Variants in DIAPH3 observed in about 807,000 individuals in gnomAD.
The protein encoded by DIAPH3 is protein diaphanous homolog 3.
Under a neutral mutation model 144.3 loss-of-function variants are expected in DIAPH3, and 117 were observed. That is an observed-to-expected ratio of 0.81 (90% CI 0.70 to 0.95). The LOEUF (loss-of-function observed/expected upper bound fraction) is 0.95. Among genes scored for constraint, DIAPH3 ranks in the 40% least tolerant of loss-of-function variants. The probability of loss-of-function intolerance (pLI) is 0.00; values close to 1 mark genes in which losing one functional copy is unlikely to be tolerated. For missense variants in DIAPH3, 1,421 were observed against 1,412.7 expected, an observed-to-expected ratio of 1.01 and a Z score of -0.09; for synonymous variants, 519 against 488.9, an observed-to-expected ratio of 1.06 and a Z score of -0.81.
chr13:59,944,851 G>T (rs925200307), intron 17 of DIAPH3, among the ~76,000 whole-genome samples: 2 of 151,906 alleles, frequency 1.3e-5, no homozygotes, highest in Admixed American at 1.3e-4. Flanking sequence ...AAGGAGAGAG[G>T]CAAAACATGT....
intron 14 of DIAPH3, among the ~76,000 whole-genome samples, chr13:59,978,123 C>A (rs1178551697): frequency 6.6e-6 from 1 of 151,710 alleles, no homozygotes; most frequent in Admixed American, 6.6e-5. Flanking sequence ...CAAAATAACA[C>A]TCACCAACCT....
chr13:59,910,450 G>A (rs868840590), intron 20 of DIAPH3, among the ~76,000 whole-genome samples: 6 of 152,016 alleles, frequency 3.9e-5, no homozygotes, highest in Non-Finnish European at 5.9e-5. Flanking sequence ...AGAAAAGGCC[G>A]GGTGGGGTGG....
In DIAPH3 at chr13:59,729,810, A is replaced by ATTTTTTTTTTTTT. The variant is rs59987412; in HGVS notation, c.3319+44366_3319+44378dup. 7.1e-4 allele frequency among the ~76,000 whole-genome samples: 95 copies of ATTTTTTTTTTTTT among 134,214 alleles called. 4 individuals are homozygous for ATTTTTTTTTTTTT. Among genetic ancestry groups the ATTTTTTTTTTTTT allele is most frequent in the African/African-American group, 2.7e-3 (89 of 32,608 alleles). The allele number at this position is 134,214 out of a possible 152,430, so 88.0% of individuals were successfully genotyped here. ...TGTGACTTCCGGTGAATACATTAAT[A>ATTTTTTTTTTTTT]TTTTTTTTTTTTTTTTTTTGAGATA... On this transcript the variant is annotated intron_variant, in intron 27 of 27. Coordinates refer to ENST00000400324, the MANE Select transcript of DIAPH3 (RefSeq NM_001042517.2).
intron 1 of DIAPH3, among the ~76,000 whole-genome samples, chr13:60,157,256 T>G (rs1304389524): frequency 6.6e-6 from 1 of 152,046 alleles, no homozygotes; most frequent in East Asian, 1.9e-4. Flanking sequence ...CTTCCTATAT[T>G]CTTGCTCTGC....
intron 4 of DIAPH3, among the ~76,000 whole-genome samples, chr13:60,091,552 T>C (rs529406015): frequency 3.3e-4 from 50 of 151,692 alleles, no homozygotes; most frequent in Admixed American, 1.3e-3. Context: ...CCTCCCAAGG[T>C]GCTGGAATTA....
chr13:60,149,121 T>G (rs1352301874), intron 1 of DIAPH3, among the ~76,000 whole-genome samples: 4 of 152,238 alleles, frequency 2.6e-5, no homozygotes, highest in Non-Finnish European at 5.9e-5. Flanking sequence ...TGCTTTTTCT[T>G]TCACAATGGT....
intron 17 of DIAPH3, among the ~76,000 whole-genome samples, chr13:59,935,765 A>G (rs768442382): frequency 6.6e-6 from 1 of 152,196 alleles, no homozygotes; most frequent in African/African-American, 2.4e-5. Context: ...AGAAACAGAT[A>G]GGCTATTTTT....
chr13:59,814,418 TAGG>T (rs761010370), intron 24 of DIAPH3, among the ~76,000 whole-genome samples: 4 of 152,280 alleles, frequency 2.6e-5, no homozygotes, highest in East Asian at 1.9e-4. Context: ...TTGTAACTAT[TAGG>T]AGAAGAATTT....
intron 21 of DIAPH3, among the ~76,000 whole-genome samples, chr13:59,874,426 C>T (rs2044477124): frequency 6.6e-6 from 1 of 152,118 alleles, no homozygotes; most frequent in South Asian, 2.1e-4. Flanking sequence ...AGTTATTCTA[C>T]TTTTTCTACT....
At chr13:59,700,235 T>C (rs919866001) in intron 27 of DIAPH3, among the ~76,000 whole-genome samples, 11 of 152,276 alleles carry the variant, frequency 7.2e-5, no homozygotes, top group African/African-American at 2.4e-4. Flanking sequence ...GTATAACACC[T>C]AATTGCCCCC....
rs78588152 is a variant in DIAPH3 at position 60,103,976 on chromosome 13, A to C, written c.390+8034T>G. ...ATGGCTTAGTGCCAAATAAAAAAAAACAGAAGATTTCATGACCTCATTCAA... is the reference window on the plus strand; with the variant it reads ...ATGGCTTAGTGCCAAATAAAAAAAACCAGAAGATTTCATGACCTCATTCAA... On this transcript the variant is annotated intron_variant, in intron 3 of 27. Coordinates refer to ENST00000400324, the MANE Select transcript of DIAPH3 (RefSeq NM_001042517.2). Among the ~76,000 whole-genome samples the C allele has an allele frequency of 4.6e-4, 70 of 152,358 alleles. No homozygotes were observed. In the East Asian group the frequency reaches 0.012, roughly 27 times the overall value.
intron 17 of DIAPH3, among the ~76,000 whole-genome samples, chr13:59,955,762 T>C (rs2049366646): frequency 6.6e-6 from 1 of 152,182 alleles, no homozygotes; most frequent in African/African-American, 2.4e-5. Context: ...AGAGACTTGT[T>C]GAATGGTTTT....
intron 27 of DIAPH3, among the ~76,000 whole-genome samples, chr13:59,767,746 G>A (rs1210330283): frequency 6.6e-6 from 1 of 152,080 alleles, no homozygotes; most frequent in Non-Finnish European, 1.5e-5. Context: ...ATACAATACA[G>A]TTCTTTATCT....
chr13:60,050,287 T>TG (rs2056274951), intron 4 of DIAPH3, among the ~76,000 whole-genome samples: 1 of 152,114 alleles, frequency 6.6e-6, no homozygotes, highest in African/African-American at 2.4e-5. Context: ...AAAGAACTTC[T>TG]AGCAAACAGA....
At chr13:59,817,752 A>G (rs1053466117) in intron 24 of DIAPH3, among the ~76,000 whole-genome samples, 4 of 151,814 alleles carry the variant, frequency 2.6e-5, no homozygotes, top group African/African-American at 9.7e-5. Flanking sequence ...ACAGTTTAGA[A>G]TTTATACTTG....
intron 5 of DIAPH3, among the ~76,000 whole-genome samples, chr13:60,038,752 A>G (rs1303469986): frequency 6.6e-6 from 1 of 152,148 alleles, no homozygotes; most frequent in Admixed American, 6.5e-5. Flanking sequence ...AAACACAAAA[A>G]CCTGATAAGC....
chr13:59,864,802 C>T (rs552324758), intron 21 of DIAPH3, among the ~76,000 whole-genome samples: 1 of 151,984 alleles, frequency 6.6e-6, no homozygotes, highest in African/African-American at 2.4e-5. Context: ...TTGTTGAAAA[C>T]ATCAACTGAG....
At chr13:59,843,674 C>T (rs537484300) in intron 22 of DIAPH3, among the ~76,000 whole-genome samples, 11 of 152,172 alleles carry the variant, frequency 7.2e-5, no homozygotes, top group Non-Finnish European at 1.2e-4. Context: ...TTGTGCTTCA[C>T]CAGAAGTCTC....
chr13:60,074,426 C>T (rs961158032), intron 4 of DIAPH3, among the ~76,000 whole-genome samples: 1 of 152,152 alleles, frequency 6.6e-6, no homozygotes, highest in Non-Finnish European at 1.5e-5. Flanking sequence ...AGAAGATTGA[C>T]GTGATCCGAG....
Sources: gnomAD v4.1 joint callset for allele counts (sites outside exome capture counted in the v4.1 genomes callset) on GRCh38, gnomAD v4.1.1 for gene constraint, MANE v1.5 for transcripts, NCBI Gene and HGNC (gene_info 2026-07-23, HGNC 2026-07-21) for gene names.